EPHA2: variants seen among roughly 807,000 people sequenced by gnomAD.
EPHA2 encodes ephrin type-A receptor 2.
EPHA2 carries 54 observed loss-of-function variants against 104.9 expected under a neutral mutation model. The ratio of observed to expected loss-of-function variants is 0.51; its 90% confidence interval spans 0.41 to 0.65. The LOEUF is 0.65. Ranked by LOEUF, EPHA2 falls within the 30% of genes least tolerant of loss-of-function variation. The probability of loss-of-function intolerance (pLI) is 0.00; values close to 1 mark genes in which losing one functional copy is unlikely to be tolerated. For missense variants in EPHA2, 1,117 were observed against 1,369.5 expected (o/e 0.82, Z 2.91); for synonymous variants, 560 against 559.1 (o/e 1.00, Z -0.02).
Position 16,150,928 on chromosome 1 carries a change from G to A in EPHA2, c.121C>T (p.Leu41Phe). Residue 41 changes from leucine (L) to phenylalanine (F), a missense_variant, in exon 2 of 17, where the codon CTC becomes TTC. Physicochemically the swap from Leu to Phe is conservative, Grantham distance 22 (BLOSUM62 0). Coordinates refer to ENST00000358432, the MANE Select transcript of EPHA2 (RefSeq NM_004431.5). This position sits in a 1 kb window ranked among gnomAD's most constrained non-coding sequence, Gnocchi z 4.8. ...LLDFAAAGGE[L>F]GWLTHPYGKG... ...CCATACGGGTGTGTGAGCCAGCCGA[G>A]CTCCCCTCCAGCTGCAGCAAAGTCC... 1.2e-6 allele frequency: 2 copies of A among 1,614,150 alleles called. No homozygotes were observed. Among genetic ancestry groups the A allele is most frequent in the Non-Finnish European group, 1.7e-6 (2 of 1,180,038 alleles).
rs774367498 is a variant in EPHA2, at chr1:16,135,052, G to A, written c.1566C>T (p.His522=). The change falls in exon 7 of 17, where the codon CAC becomes CAT. Residue 522 remains histidine, a synonymous_variant. Coordinates refer to ENST00000358432, the MANE Select transcript of EPHA2 (RefSeq NM_004431.5). The surrounding 1 kb of genome is among the most constrained non-coding windows in gnomAD (Gnocchi z 4.3). The part of the protein sequence containing the change: ...QEGQGAGSKV[H]EFQTLSPEGS... Reference sequence around the variant, plus strand: ...CCAACTCACACAGCGTCTGGAATTCGTGCACCTTGCTGCCGGCCCCCTGGC... The same window carrying A: ...CCAACTCACACAGCGTCTGGAATTCATGCACCTTGCTGCCGGCCCCCTGGC... 18 of 1,612,888 alleles carry A rather than the reference G, an allele frequency of 1.1e-5. No individual in the cohort carries two copies. Among genetic ancestry groups the A allele is most frequent in the African/African-American group, 2.7e-5 (2 of 74,920 alleles).
At position 16,133,895 on chromosome 1, in the gene EPHA2, C is replaced by T. The variant is rs56198600; in HGVS notation, c.1703G>A (p.Arg568His). 2.9e-5 allele frequency: 45 copies of T among 1,550,592 alleles called. No homozygotes were observed. The highest frequency in any genetic ancestry group is 3.3e-5 in the Non-Finnish European group (38 of 1,146,468). ...GAAGTAAACGTCCTCCGGGGACTGG[C>T]GGGCACGCTGGTTCTTCCTCCTGAA... ...IHRRRKNQRA[R>H]QSPEDVYFSK... The change falls in exon 9 of 17, where the codon CGC becomes CAC. Residue 568 changes from arginine (R) to histidine (H), a missense_variant. Transcript: ENST00000358432.
chr1:16,154,077 G>A (rs933289010), intron 1 of EPHA2, among the ~76,000 whole-genome samples: 4 of 152,110 alleles, frequency 2.6e-5, no homozygotes, highest in Non-Finnish European at 5.9e-5. Context: ...AGGGGACAAG[G>A]ACAAGGCAGC....
rs991755274 is a variant in EPHA2, at chr1:16,155,998, G to T, written c.-66C>A. The T allele has an allele frequency of 2.2e-6, 3 of 1,343,950 alleles. No individual in the cohort carries two copies. The highest frequency in any genetic ancestry group is 2.9e-6 in the Non-Finnish European group (3 of 1,031,358). The allele number at this position is 1,343,950 out of a possible 1,614,324, so 83.3% of individuals were successfully genotyped here. On this transcript the variant is annotated 5_prime_UTR_variant, in exon 1 of 17. Transcript: ENST00000358432. ...CTCCCGCACACCCGCACGCCTGCACGCCGGCCTCGGTGTCCGCTCCCGCCC... is the reference window on the plus strand; with the variant it reads ...CTCCCGCACACCCGCACGCCTGCACTCCGGCCTCGGTGTCCGCTCCCGCCC...
chr1:16,129,122 TTC>T (rs1398056909), intron 16 of EPHA2, among the ~76,000 whole-genome samples: 3 of 150,436 alleles, frequency 2.0e-5, no homozygotes, highest in East Asian at 4.0e-4. Flanking sequence ...CCCCGCTGGG[TTC>T]TCATTCAAAG....
In EPHA2 at chr1:16,133,333, T is replaced by A. The variant is rs749997693; in HGVS notation, c.1900A>T (p.Thr634Ser). Reference sequence around the variant, plus strand: ...GGCACCTCCTTCTTCCCCGAGGATGTCTTCAGCATGCCCTTGTACACCTCC... The same window carrying A: ...GGCACCTCCTTCTTCCCCGAGGATGACTTCAGCATGCCCTTGTACACCTCC... The part of the protein sequence containing the change: ...FGEVYKGMLK[T>S]SSGKKEVPVA... Residue 634 changes from threonine (T) to serine (S), a missense_variant, in exon 11 of 17, where the codon ACA (threonine) becomes TCA (serine). Around this residue, in one of 3 missense-constraint regions of EPHA2, gnomAD observed 113 missense variants for 104.3 expected, o/e 1.08. Coordinates refer to ENST00000358432, the MANE Select transcript of EPHA2 (RefSeq NM_004431.5). The A allele has an allele frequency of 6.2e-7, 1 of 1,613,834 alleles. No individual in the cohort carries two copies. The highest frequency in any genetic ancestry group is 8.5e-7 in the Non-Finnish European group (1 of 1,179,944).
rs371967970 is a variant in EPHA2 at position 16,129,492 on chromosome 1, C to G, written c.2767G>C (p.Glu923Gln). Reference sequence around the variant, plus strand: ...GTGTAGCCGGCCGCCATGAAGTGCTCCGTATACTGCTGCATCTTGATGGAC... The same window carrying G: ...GTGTAGCCGGCCGCCATGAAGTGCTGCGTATACTGCTGCATCTTGATGGAC... Reference protein sequence around the residue: ...LESIKMQQYTEHFMAAGYTAI... With the variant: ...LESIKMQQYTQHFMAAGYTAI... Residue 923 changes from glutamate (E) to glutamine (Q), a missense_variant, in exon 16 of 17, where the codon GAG becomes CAG. By Grantham distance (29) the Glu-to-Gln change is conservative (BLOSUM62 2). Around this residue, in one of 3 missense-constraint regions of EPHA2, gnomAD observed 340 missense variants for 480.5 expected, o/e 0.71. Coordinates refer to ENST00000358432, the MANE Select transcript of EPHA2 (RefSeq NM_004431.5). The G allele has an allele frequency of 1.2e-6, 2 of 1,613,812 alleles. No homozygotes were observed. Among genetic ancestry groups the G allele is most frequent in the African/African-American group, 2.7e-5 (2 of 74,882 alleles).
chr1:16,144,835 C>T (rs563600604), intron 3 of EPHA2, among the ~76,000 whole-genome samples: 3 of 152,358 alleles, frequency 2.0e-5, no homozygotes, highest in South Asian at 2.1e-4. Flanking sequence ...GCTTCCTCTC[C>T]GGACCTCAGT....
Position 16,132,054 on chromosome 1 carries a change from C to T in EPHA2, c.2325+10G>A. The T allele has an allele frequency of 6.2e-7, 1 of 1,614,090 alleles. No homozygotes were observed. On this transcript the variant is annotated intron_variant, in intron 13 of 16. Coordinates refer to ENST00000358432, the MANE Select transcript of EPHA2 (RefSeq NM_004431.5). ...CCGCTTCTCCCTTGAGGTCCCCTTCCCCAACTTACACTGGTGGTGTAGGTG... is the reference window on the plus strand; with the variant it reads ...CCGCTTCTCCCTTGAGGTCCCCTTCTCCAACTTACACTGGTGGTGTAGGTG...
rs1197265246 is a variant in EPHA2, at chr1:16,138,728, G to A, written c.824-298C>T. On this transcript the variant is annotated intron_variant, in intron 3 of 16. Coordinates refer to ENST00000358432, the MANE Select transcript of EPHA2 (RefSeq NM_004431.5). Reference sequence around the variant, plus strand: ...AGCCTGGCATTCAAGGCCATACCTCGCCTTTCAGCCAACCAAGAATCCCAT... The same window carrying A: ...AGCCTGGCATTCAAGGCCATACCTCACCTTTCAGCCAACCAAGAATCCCAT... 3.3e-5 allele frequency among the ~76,000 whole-genome samples: 5 copies of A among 152,148 alleles called. No homozygotes were observed. In the East Asian group the frequency reaches 7.7e-4, roughly 23 times the overall value.
chr1:16,137,803 C>G (rs1426494729), intron 5 of EPHA2, 50 bp downstream of exon 5: 1 of 1,608,940 alleles, frequency 6.2e-7, no homozygotes, highest in Admixed American at 1.7e-5. Flanking sequence ...CCTCCTTAAG[C>G]CCCACCTGGG....
In EPHA2 at chr1:16,131,839, G is replaced by A. The variant is rs760459530; in HGVS notation, c.2357C>T (p.Pro786Leu). Residue 786 changes from proline to leucine, a missense_variant, in exon 14 of 17, where the codon CCG (proline) becomes CTG (leucine). Pro to Leu is a moderately conservative substitution (Grantham distance 98, BLOSUM62 -3). Coordinates refer to ENST00000358432, the MANE Select transcript of EPHA2 (RefSeq NM_004431.5). This position sits in a 1 kb window ranked among gnomAD's most constrained non-coding sequence, Gnocchi z 5.2. ...GAACTTCCGGTAGGAAATGGCCTCC[G>A]GGGCGGTCCAGCGGATGGGGATCTT... is the stretch of plus-strand genomic sequence containing the variant. The part of the protein sequence containing the change: ...GGKIPIRWTA[P>L]EAISYRKFTS... The A allele has an allele frequency of 1.2e-6, 2 of 1,613,980 alleles. No homozygotes were observed. The highest frequency in any genetic ancestry group is 1.7e-6 in the Non-Finnish European group (2 of 1,180,002).
In EPHA2 at chr1:16,135,452, A is replaced by G. The variant is rs2024664785; in HGVS notation, c.1428+203T>C. 2.8e-6 allele frequency: 2 copies of G among 710,142 alleles called. No homozygotes were observed. The highest frequency in any genetic ancestry group is 4.9e-6 in the Non-Finnish European group (2 of 406,744). 44.0% of individuals were successfully genotyped at this position (710,142 alleles called of 1,614,324 possible). Reference sequence around the variant, plus strand: ...TGTCCTCACCCTGACTGCCTCTTCCAAGGACGCCATGTCTTCTCTCGTACA... The same window carrying G: ...TGTCCTCACCCTGACTGCCTCTTCCGAGGACGCCATGTCTTCTCTCGTACA... On this transcript the variant is annotated intron_variant, in intron 6 of 16. Coordinates refer to ENST00000358432, the MANE Select transcript of EPHA2 (RefSeq NM_004431.5). This position sits in a 1 kb window ranked among gnomAD's most constrained non-coding sequence, Gnocchi z 4.3.
chr1:16,139,230 C>T (rs192042294), intron 3 of EPHA2, among the ~76,000 whole-genome samples: 31 of 152,350 alleles, frequency 2.0e-4, no homozygotes, highest in Admixed American at 4.6e-4. Flanking sequence ...CCCTAAGCCC[C>T]TTCCTGGCCC....
At position 16,125,115 on chromosome 1, in the gene EPHA2, A is replaced by G; in HGVS notation, c.*100T>C. ...AGTTGCAGGGGGAGGAAAGAACTAG[A>G]AATAAATAAAGTCCCCAGTGGCCCA... is the stretch of plus-strand genomic sequence containing the variant. On this transcript the variant is annotated 3_prime_UTR_variant, in exon 17 of 17. Transcript: ENST00000358432. The surrounding 1 kb of genome is among the most constrained non-coding windows in gnomAD (Gnocchi z 4.9). 1.8e-6 allele frequency: 2 copies of G among 1,124,044 alleles called. No homozygotes were observed. Among genetic ancestry groups the G allele is most frequent in the Non-Finnish European group, 2.6e-6 (2 of 756,572 alleles). The allele number at this position is 1,124,044 out of a possible 1,614,324, so 69.6% of individuals were successfully genotyped here. A position where few individuals can be genotyped will look rare whatever the true frequency, so the allele number is the denominator to read the frequency against.
chr1:16,138,550 T>A, intron 3 of EPHA2, 120 bp from the exon 4 acceptor site: 1 of 1,433,468 alleles, frequency 7.0e-7, no homozygotes, highest in Non-Finnish European at 9.7e-7. Flanking sequence ...TAAATCTCTA[T>A]GGACCTGTTT....
rs749294736 is a variant in EPHA2, at chr1:16,131,828, A to C, written c.2368T>G (p.Ser790Ala). The change falls in exon 14 of 17, where the codon TCC becomes GCC. Residue 790 changes from serine (S) to alanine (A), a missense_variant. Transcript: ENST00000358432. This position sits in a 1 kb window ranked among gnomAD's most constrained non-coding sequence, Gnocchi z 5.2. ...PIRWTAPEAISYRKFTSASDV... is the reference protein window; with the variant it reads ...PIRWTAPEAIAYRKFTSASDV... ...CTGGCAGAGGTGAACTTCCGGTAGG[A>C]AATGGCCTCCGGGGCGGTCCAGCGG... 17 of 1,613,958 alleles carry C rather than the reference A, an allele frequency of 1.1e-5. No homozygotes were observed. Among genetic ancestry groups the C allele is most frequent in the Non-Finnish European group, 1.4e-5 (17 of 1,180,032 alleles).
Position 16,156,047 on chromosome 1 carries a change from C to T in EPHA2, c.-115G>A, listed in dbSNP as rs1267524273. On this transcript the variant is annotated 5_prime_UTR_variant, in exon 1 of 17. Coordinates refer to ENST00000358432, the MANE Select transcript of EPHA2 (RefSeq NM_004431.5). Reference sequence around the variant, plus strand: ...CCGCCGGCCTGCGCGCAACTTCTGCCCCTCCTGCCCCGAGTCCTTAATGGA... The same window carrying T: ...CCGCCGGCCTGCGCGCAACTTCTGCTCCTCCTGCCCCGAGTCCTTAATGGA... 1.8e-5 allele frequency: 15 copies of T among 815,192 alleles called. No homozygotes were observed. The highest frequency in any genetic ancestry group is 9.4e-5 in the South Asian group (4 of 42,662). The allele number at this position is 815,192 out of a possible 1,614,324, so 50.5% of individuals were successfully genotyped here. A position where few individuals can be genotyped will look rare whatever the true frequency, so the allele number is the denominator to read the frequency against.
At chr1:16,137,815 A>C in intron 5 of EPHA2, 38 bp downstream of exon 5, 2 of 1,611,280 alleles carry the variant, frequency 1.2e-6, no homozygotes, top group South Asian at 2.2e-5. Context: ...CCACCTGGGC[A>C]GGCCCCATAG....
Sources: gnomAD v4.1 joint callset for allele counts (sites outside exome capture counted in the v4.1 genomes callset) on GRCh38, gnomAD v4.1.1 for gene constraint, gnomAD v4.1.1 regional missense constraint, Gnocchi (gnomAD v3.1) non-coding constraint, MANE v1.5 for transcripts, NCBI Gene and HGNC (gene_info 2026-07-23, HGNC 2026-07-21) for gene names.